The following ADAMTS18 variants were observed in gnomAD, a reference collection of about 807,000 sequenced individuals.
ADAMTS18 encodes the protein A disintegrin and metalloproteinase with thrombospondin motifs 18.
In ADAMTS18, 157 loss-of-function variants were observed where a neutral mutation model predicts 165.9. The observed-to-expected ratio is 0.95, with a 90% CI of 0.83 to 1.08. ADAMTS18 has a LOEUF of 1.08. Among genes scored for constraint, ADAMTS18 ranks in the 50% least tolerant of loss-of-function variants. The pLI, the probability that ADAMTS18 is intolerant of heterozygous loss-of-function variation, is 0.00. For synonymous variants in ADAMTS18, 782 were observed against 578.2 expected (o/e 1.35, Z -5.06); for missense variants, 2,040 against 1,534.0 (o/e 1.33, Z -5.51).
intron 3 of ADAMTS18, among the ~76,000 whole-genome samples, chr16:77,420,963 C>T (rs1464032199): frequency 2.6e-5 from 4 of 152,202 alleles, no homozygotes; most frequent in Non-Finnish European, 4.4e-5. Flanking sequence ...TAGCAGAACT[C>T]GGTAAATCAG....
At chr16:77,333,322 G>A (rs1282148995) in intron 12 of ADAMTS18, among the ~76,000 whole-genome samples, 1 of 152,080 alleles carries the variant, frequency 6.6e-6, no homozygotes, top group Non-Finnish European at 1.5e-5. Flanking sequence ...GGGAGCAAGG[G>A]GAGGGAGAGC....
chr16:77,352,183 A>G (rs768000944), intron 10 of ADAMTS18, among the ~76,000 whole-genome samples: 1 of 152,188 alleles, frequency 6.6e-6, no homozygotes, highest in African/African-American at 2.4e-5. Flanking sequence ...ATGTAATCCC[A>G]TCTCAAACCT....
At chr16:77,312,178 G>A (rs184454047) in intron 16 of ADAMTS18, among the ~76,000 whole-genome samples, 48 of 152,024 alleles carry the variant, frequency 3.2e-4, no homozygotes, top group Admixed American at 9.2e-4. Context: ...GGATCAATTC[G>A]AGAGAACTCT....
intron 3 of ADAMTS18, among the ~76,000 whole-genome samples, chr16:77,419,485 CT>C (rs1218133799): frequency 6.6e-6 from 1 of 152,162 alleles, no homozygotes; most frequent in African/African-American, 2.4e-5. Flanking sequence ...TGCTAAACCC[CT>C]CTAGCTATGA....
In ADAMTS18 at chr16:77,283,645, T is replaced by G; in HGVS notation, c.*311A>C. 3.1e-6 allele frequency: 1 copy of G among 326,924 alleles called. No individual in the cohort carries two copies. The highest frequency in any genetic ancestry group is 5.8e-6 in the Non-Finnish European group (1 of 171,376). 20.3% of individuals were successfully genotyped at this position (326,924 alleles called of 1,614,324 possible). The stretch of plus-strand genomic sequence containing the variant: ...GAACCCTTTGAAGTTCAAAAGGGGG[T>G]CTCTCCCCAAATCGACGTATCTCAG... On this transcript the variant is annotated 3_prime_UTR_variant, in exon 23 of 23. Coordinates refer to ENST00000282849, the MANE Select transcript of ADAMTS18 (RefSeq NM_199355.4).
intron 20 of ADAMTS18, among the ~76,000 whole-genome samples, chr16:77,292,729 T>C (rs528553247): frequency 3.2e-4 from 49 of 152,298 alleles, no homozygotes; most frequent in African/African-American, 1.0e-3. Flanking sequence ...AACTGGGAAG[T>C]AGCAGGCATT....
In ADAMTS18 at chr16:77,282,401, A is replaced by G. The variant is rs1252621794; in HGVS notation, c.*1555T>C. The G allele has an allele frequency of 6.6e-6, 1 of 151,852 alleles. No individual in the cohort carries two copies. The highest frequency in any genetic ancestry group is 1.5e-5 in the Non-Finnish European group (1 of 67,982). The allele number at this position is 151,852 out of a possible 1,614,324, so 9.4% of individuals were successfully genotyped here. A position where few individuals can be genotyped will look rare whatever the true frequency, so the allele number is the denominator to read the frequency against. On this transcript the variant is annotated 3_prime_UTR_variant, in exon 23 of 23. Coordinates refer to ENST00000282849, the MANE Select transcript of ADAMTS18 (RefSeq NM_199355.4). The stretch of plus-strand genomic sequence containing the variant: ...GAGAAAATTTTTTTTTTTCCTGTTG[A>G]TAAAATGGCCACTTCTCTAGGCCAA...
intron 11 of ADAMTS18, among the ~76,000 whole-genome samples, 157 bp from the exon 12 acceptor site, chr16:77,336,061 A>C (rs190895312): frequency 6.6e-6 from 1 of 152,320 alleles, no homozygotes; most frequent in African/African-American, 2.4e-5. Flanking sequence ...CTCTAAAAAC[A>C]CTCAACTACT....
At chr16:77,308,452 CAG>C (rs1373569944) in intron 16 of ADAMTS18, among the ~76,000 whole-genome samples, 1 of 150,392 alleles carries the variant, frequency 6.6e-6, no homozygotes, top group Admixed American at 6.7e-5. Context: ...GACAAAGAGA[CAG>C]AGAAAGATTG....
chr16:77,429,919 G>A (rs1366259955), intron 3 of ADAMTS18, among the ~76,000 whole-genome samples: 2 of 152,176 alleles, frequency 1.3e-5, no homozygotes, highest in Non-Finnish European at 2.9e-5. Flanking sequence ...CTAAGGCATA[G>A]TTAACTCTAC....
chr16:77,381,949 T>C (rs1283284918), intron 3 of ADAMTS18, among the ~76,000 whole-genome samples: 1 of 152,184 alleles, frequency 6.6e-6, no homozygotes, highest in Non-Finnish European at 1.5e-5. Context: ...TTCTCTGGAA[T>C]GTGTCCTTAC....
At chr16:77,428,198 C>T (rs927731441) in intron 3 of ADAMTS18, among the ~76,000 whole-genome samples, 3 of 152,150 alleles carry the variant, frequency 2.0e-5, no homozygotes, top group East Asian at 1.9e-4. Flanking sequence ...CATCTCTTCT[C>T]GGTCTCTGTA....
chr16:77,382,305 G>A (rs537284304), intron 3 of ADAMTS18, among the ~76,000 whole-genome samples: 136 of 152,288 alleles, frequency 8.9e-4, no homozygotes, highest in African/African-American at 3.2e-3. Flanking sequence ...CCGCTGCCCT[G>A]GTTCATGCCA....
Position 77,300,257 on chromosome 16 carries a change from A to G in ADAMTS18, c.2674+6T>C, listed in dbSNP as rs769516490. On this transcript the variant is annotated splice_donor_region_variant and intron_variant, in intron 17 of 22. Coordinates refer to ENST00000282849, the MANE Select transcript of ADAMTS18 (RefSeq NM_199355.4). ...ACTTTGGAGACAGAATGAGAAAATC[A>G]TCTACCTCCACCACAGGAGACGGAG... 7.4e-6 allele frequency: 12 copies of G among 1,614,046 alleles called. No individual in the cohort carries two copies. The highest frequency in any genetic ancestry group is 6.6e-5 in the South Asian group (6 of 91,084).
In ADAMTS18 at chr16:77,391,065, CCTTTT is replaced by C. The variant is rs1456679699; in HGVS notation, c.496-23347_496-23343del. Among the ~76,000 whole-genome samples, 42 of 152,238 alleles carry C rather than the reference CCTTTT, an allele frequency of 2.8e-4. No individual in the cohort carries two copies. The East Asian group carries it at 7.9e-3, about 29-fold the overall frequency. On this transcript the variant is annotated intron_variant, in intron 3 of 22. Coordinates refer to ENST00000282849, the MANE Select transcript of ADAMTS18 (RefSeq NM_199355.4). ...CTTTCAACATTTACATTTTGTTTTT[CCTTTT>C]CATCTAAAAGACATCAAGCCACTTC... is the stretch of plus-strand genomic sequence containing the variant.
rs371258294 is a variant in ADAMTS18, at chr16:77,382,879, G to A, written c.496-15156C>T. Among the ~76,000 whole-genome samples, 110 of 152,220 alleles carry A rather than the reference G, an allele frequency of 7.2e-4. 4 individuals are homozygous for A. The South Asian group carries it at 0.021, about 29-fold the overall frequency. On this transcript the variant is annotated intron_variant, in intron 3 of 22. Transcript: ENST00000282849. ...CTGCTAATAACACTCCTCTTCACAC[G>A]TCAGCATCCTTGGAAAGCGGCGGCT... is the stretch of plus-strand genomic sequence containing the variant.
intron 19 of ADAMTS18, 36 bp from the exon 20 acceptor site, chr16:77,293,294 T>C (rs760032858): frequency 6.3e-7 from 1 of 1,580,812 alleles, no homozygotes; most frequent in Non-Finnish European, 8.7e-7. Flanking sequence ...TGCATTCCCA[T>C]TAGGTTTCAG....
intron 18 of ADAMTS18, 23 bp downstream of exon 18, chr16:77,297,266 A>G (rs772795750): frequency 1.9e-6 from 3 of 1,614,052 alleles, no homozygotes; most frequent in Non-Finnish European, 1.7e-6. Flanking sequence ...AACTAAACAA[A>G]AAGACACTTC....
intron 11 of ADAMTS18, among the ~76,000 whole-genome samples, chr16:77,339,287 A>C (rs1257572059): frequency 2.6e-5 from 4 of 152,102 alleles, no homozygotes; most frequent in African/African-American, 7.2e-5. Flanking sequence ...ACTTATTAAG[A>C]TGCTTTCTGT....
Sources: gnomAD v4.1 joint callset for allele counts (sites outside exome capture counted in the v4.1 genomes callset) on GRCh38, gnomAD v4.1.1 for gene constraint, MANE v1.5 for transcripts, NCBI Gene and HGNC (gene_info 2026-07-23, HGNC 2026-07-21) for gene names.